LGR5: variants seen among roughly 807,000 people sequenced by gnomAD.
LGR5 encodes leucine-rich repeat-containing G protein-coupled receptor 5.
LGR5 carries 54 observed loss-of-function variants against 76.7 expected under a neutral mutation model. The observed-to-expected ratio is 0.70, with a 90% confidence interval of 0.57 to 0.88. The LOEUF is 0.88. Ranked by LOEUF, LGR5 falls within the 40% of genes least tolerant of loss-of-function variation. The probability of loss-of-function intolerance (pLI) is 0.00; values close to 1 mark genes in which losing one functional copy is unlikely to be tolerated. For synonymous variants in LGR5, 406 were observed against 421.9 expected (o/e 0.96, Z 0.46); for missense variants, 1,078 against 1,073.3 (o/e 1.00, Z -0.06).
chr12:71,559,103 A>G (rs1044901031), intron 6 of LGR5, among the ~76,000 whole-genome samples: 8 of 152,160 alleles, frequency 5.3e-5, no homozygotes, highest in African/African-American at 1.9e-4. Context: ...GGGATGTGGG[A>G]ACCCTGTGAA....
chr12:71,572,484 G>A (rs12812625), intron 12 of LGR5, among the ~76,000 whole-genome samples: 27,799 of 151,904 alleles, frequency 0.18, 2,910 homozygotes, highest in East Asian at 0.44. Context: ...GGTGCTTAAG[G>A]GAAAAAAACA....
chr12:71,453,779 T>C (rs574432221), intron 1 of LGR5, among the ~76,000 whole-genome samples: 34 of 152,244 alleles, frequency 2.2e-4, no homozygotes, highest in Admixed American at 3.9e-4. Context: ...AATGGGCTTG[T>C]GTCTACCTGA....
At chr12:71,494,225 C>T (rs1424576107) in intron 1 of LGR5, among the ~76,000 whole-genome samples, 3 of 150,876 alleles carry the variant, frequency 2.0e-5, no homozygotes, top group Admixed American at 1.3e-4. Flanking sequence ...GGATTACAGG[C>T]GTGAGCCACT....
intron 1 of LGR5, among the ~76,000 whole-genome samples, chr12:71,465,379 C>T (rs992279630): frequency 2.6e-5 from 4 of 152,136 alleles, no homozygotes; most frequent in Non-Finnish European, 5.9e-5. Context: ...TAAATTATTT[C>T]GACTTTTTCT....
In LGR5 at chr12:71,527,077, AAGG is replaced by A. The variant is rs200191102; in HGVS notation, c.356+2602_356+2604del. Among the ~76,000 whole-genome samples the A allele has an allele frequency of 1.6e-4, 24 of 152,240 alleles. No individual in the cohort carries two copies. The East Asian group carries it at 4.7e-3, about 30-fold the overall frequency. On this transcript the variant is annotated intron_variant, in intron 3 of 17. Coordinates refer to ENST00000266674, the MANE Select transcript of LGR5 (RefSeq NM_003667.4). ...TTATGAGGAGGCATGATGAGGAGTC[AAGG>A]AAAAGATGTACATAAGTGAGGGAAG...
At chr12:71,521,013 A>C (rs1417308684) in intron 2 of LGR5, among the ~76,000 whole-genome samples, 3 of 152,226 alleles carry the variant, frequency 2.0e-5, no homozygotes, top group Non-Finnish European at 4.4e-5. Context: ...CCAAGACCAG[A>C]AAAAAAGATA....
chr12:71,459,220 T>C (rs1229051539), intron 1 of LGR5, among the ~76,000 whole-genome samples: 1 of 152,174 alleles, frequency 6.6e-6, no homozygotes, highest in East Asian at 1.9e-4. Flanking sequence ...TGCAGTTGTG[T>C]TCTGATTTCA....
chr12:71,566,476 G>GT lies in LGR5; in HGVS notation c.929+2dup, dbSNP rs746197354. 3.1e-6 allele frequency: 5 copies of GT among 1,594,362 alleles called. No individual in the cohort carries two copies. The African/African-American group carries it at 6.7e-5, about 21-fold the overall frequency. On this transcript the variant is annotated splice_donor_variant, in intron 9 of 17. Coordinates refer to ENST00000266674, the MANE Select transcript of LGR5 (RefSeq NM_003667.4). LOFTEE classifies it high-confidence loss of function. ...AACATTTACCTGAACTAAGAACACTGTAAGTTTCTATGTCTCTTATGGATC... is the reference window on the plus strand; with the variant it reads ...AACATTTACCTGAACTAAGAACACTGTTAAGTTTCTATGTCTCTTATGGATC...
At chr12:71,538,839 TAG>T (rs1350436655) in intron 4 of LGR5, among the ~76,000 whole-genome samples, 2 of 152,032 alleles carry the variant, frequency 1.3e-5, no homozygotes, top group African/African-American at 4.8e-5. Flanking sequence ...GCCCGGGCAA[TAG>T]AGCAAGACCG....
chr12:71,566,975 C>A, intron 11 of LGR5, 63 bp downstream of exon 11: 1 of 1,193,468 alleles, frequency 8.4e-7, no homozygotes, highest in Non-Finnish European at 1.3e-6. Flanking sequence ...GGTGAAATGG[C>A]AGACATGATT....
intron 11 of LGR5, chr12:71,567,176 A>T (rs947049150): frequency 9.4e-5 from 42 of 447,298 alleles, no homozygotes; most frequent in Non-Finnish European, 1.5e-4. Context: ...TTCAGAAAAG[A>T]TATGAAGAGG....
Position 71,574,481 on chromosome 12 carries a change from C to A in LGR5, c.1208+1560C>A, listed in dbSNP as rs17109892. ...CCTCTCCACTCCTCTACCGCAGGCC[C>A]ATTAATGATTCGTTTGGATCACCAT... On this transcript the variant is annotated intron_variant, in intron 13 of 17. Coordinates refer to ENST00000266674, the MANE Select transcript of LGR5 (RefSeq NM_003667.4). 9.1e-3 allele frequency among the ~76,000 whole-genome samples: 1,379 copies of A among 152,200 alleles called. 10 individuals are homozygous for A. Among genetic ancestry groups the A allele is most frequent in the African/African-American group, 0.031 (1,295 of 41,528 alleles).
chr12:71,561,380 T>G (rs1471302660), intron 7 of LGR5, among the ~76,000 whole-genome samples: 1 of 152,214 alleles, frequency 6.6e-6, no homozygotes, highest in African/African-American at 2.4e-5. Context: ...AATCTTTACT[T>G]CACTGCAGCT....
At chr12:71,563,978 CTGTGTATATATG>C (rs1565760705) in intron 8 of LGR5, among the ~76,000 whole-genome samples, 5 of 37,280 alleles carry the variant, frequency 1.3e-4, no homozygotes, top group Non-Finnish European at 1.8e-4. Context: ...TACACACGCA[CTGTGTATATATG>C]CATATATACG....
intron 1 of LGR5, among the ~76,000 whole-genome samples, chr12:71,499,453 T>C (rs540638326): frequency 4.6e-5 from 7 of 152,064 alleles, no homozygotes; most frequent in Admixed American, 3.9e-4. Context: ...AGGGAAACGG[T>C]AAGAATTTCC....
chr12:71,542,470 T>C (rs1054212859), intron 4 of LGR5, among the ~76,000 whole-genome samples: 2 of 152,030 alleles, frequency 1.3e-5, no homozygotes, highest in African/African-American at 4.8e-5. Flanking sequence ...TGGGAATCTG[T>C]TGGAGGGTTT....
chr12:71,470,079 T>C (rs967355721), intron 1 of LGR5, among the ~76,000 whole-genome samples: 1 of 152,198 alleles, frequency 6.6e-6, no homozygotes, highest in African/African-American at 2.4e-5. Flanking sequence ...AAACCTTCAG[T>C]GCCTCCTGGG....
chr12:71,553,107 C>T lies in LGR5; in HGVS notation c.463C>T (p.Pro155Ser). The T allele has an allele frequency of 6.2e-7, 1 of 1,613,978 alleles. No individual in the cohort carries two copies. Among genetic ancestry groups the T allele is most frequent in the Non-Finnish European group, 8.5e-7 (1 of 1,180,022 alleles). The change falls in exon 5 of 18, where the codon CCA becomes TCA. Residue 155 changes from proline (P) to serine (S), a missense_variant. Coordinates refer to ENST00000266674, the MANE Select transcript of LGR5 (RefSeq NM_003667.4). ...LDANHISYVP[P>S]SCFSGLHSLR... Reference sequence around the variant, plus strand: ...TGCTAACCACATCAGCTATGTGCCCCCAAGCTGTTTCAGTGGCCTGCATTC... The same window carrying T: ...TGCTAACCACATCAGCTATGTGCCCTCAAGCTGTTTCAGTGGCCTGCATTC...
At chr12:71,514,081 C>T (rs1454337178) in intron 2 of LGR5, among the ~76,000 whole-genome samples, 1 of 151,742 alleles carries the variant, frequency 6.6e-6, no homozygotes, top group Admixed American at 6.6e-5. Context: ...AGCCCAGGAT[C>T]TTAAAAAACA....
Sources: gnomAD v4.1 joint callset for allele counts (sites outside exome capture counted in the v4.1 genomes callset) on GRCh38, gnomAD v4.1.1 for gene constraint, MANE v1.5 for transcripts, NCBI Gene and HGNC (gene_info 2026-07-23, HGNC 2026-07-21) for gene names.